The following ANKRD50 variants were observed in gnomAD, a reference collection of about 807,000 sequenced individuals.
ANKRD50 encodes ankyrin repeat domain-containing protein 50.
A neutral mutation model predicts 112.0 loss-of-function variants in ANKRD50; 40 were observed. That is an observed-to-expected ratio of 0.36 (90% CI 0.28 to 0.46). The LOEUF (loss-of-function observed/expected upper bound fraction) is 0.46. Ranked by LOEUF, ANKRD50 falls within the 20% of genes least tolerant of loss-of-function variation. ANKRD50 has a pLI of 1.00. For synonymous variants in ANKRD50, 613 were observed against 619.1 expected (o/e 0.99, Z 0.15); for missense variants, 1,487 against 1,701.7 (o/e 0.87, Z 2.22).
intron 2 of ANKRD50, among the ~76,000 whole-genome samples, chr4:124,692,756 A>G (rs1725166802): frequency 6.6e-6 from 1 of 152,224 alleles, no homozygotes; most frequent in African/African-American, 2.4e-5. Flanking sequence ...AAACCTGCCC[A>G]TATCTTGAGC....
Position 124,678,165 on chromosome 4 carries a change from T to C in ANKRD50, c.742+511A>G, listed in dbSNP as rs776309214. On this transcript the variant is annotated intron_variant, in intron 3 of 4. Transcript: ENST00000504087. ...AATTAATCATTAATATCTCTCCAAT[T>C]ACACTATATATCCTGTGATATGTCC... Among the ~76,000 whole-genome samples the C allele has an allele frequency of 3.5e-4, 54 of 152,116 alleles. 1 individual carries two copies. The highest frequency in any genetic ancestry group is 7.4e-5 in the Non-Finnish European group (5 of 67,990).
chr4:124,672,258 C>T lies in ANKRD50; in HGVS notation c.1019G>A (p.Arg340Lys). The T allele has an allele frequency of 6.2e-7, 1 of 1,613,770 alleles. No homozygotes were observed. The highest frequency in any genetic ancestry group is 8.5e-7 in the Non-Finnish European group (1 of 1,179,834). The change falls in exon 4 of 5, where the codon AGA becomes AAA. Residue 340 changes from arginine to lysine, a missense_variant. Arg to Lys is a conservative substitution (Grantham distance 26). Transcript: ENST00000504087. ...LNGLYLWLCQ[R>K]LFVRKQFAKV... ...TGCAAATTGTTTTCTTACAAAAAGT[C>T]TTTGGCACAGCCAGAGATATAAACC...
chr4:124,707,128 G>A (rs988310529), intron 2 of ANKRD50, among the ~76,000 whole-genome samples: 2 of 151,890 alleles, frequency 1.3e-5, no homozygotes, highest in African/African-American at 4.8e-5. Flanking sequence ...TGTCAAAAGC[G>A]AAAAATAAAT....
At chr4:124,677,706 T>C (rs978223267) in intron 3 of ANKRD50, among the ~76,000 whole-genome samples, 1 of 151,914 alleles carries the variant, frequency 6.6e-6, no homozygotes, top group Non-Finnish European at 1.5e-5. Flanking sequence ...ACATGGCTAG[T>C]GAGTGGTAAA....
intron 2 of ANKRD50, among the ~76,000 whole-genome samples, chr4:124,705,532 T>C (rs1046704270): frequency 2.0e-5 from 3 of 152,162 alleles, no homozygotes; most frequent in Non-Finnish European, 4.4e-5. Flanking sequence ...GGTAATGACA[T>C]ACACTAAGAA....
intron 2 of ANKRD50, among the ~76,000 whole-genome samples, chr4:124,690,080 G>A (rs1009476281): frequency 2.0e-5 from 3 of 151,986 alleles, no homozygotes; most frequent in Non-Finnish European, 4.4e-5. Context: ...CAAGAAAGAA[G>A]CAAATTAAGC....
chr4:124,701,466 G>A (rs1725388818), intron 2 of ANKRD50, among the ~76,000 whole-genome samples: 1 of 152,116 alleles, frequency 6.6e-6, no homozygotes, highest in Non-Finnish European at 1.5e-5. Context: ...GCTTTATTAA[G>A]CAATTACATA....
intron 3 of ANKRD50, among the ~76,000 whole-genome samples, chr4:124,678,154 A>G (rs981232777): frequency 1.3e-5 from 2 of 152,152 alleles, no homozygotes; most frequent in African/African-American, 4.8e-5. Context: ...AATCATTAAT[A>G]TCTCTCCAAT....
Position 124,665,802 on chromosome 4 carries a change from T to A in ANKRD50, c.*1716A>T, listed in dbSNP as rs1234435718. 1 of 152,376 alleles carries A rather than the reference T, an allele frequency of 6.6e-6. No homozygotes were observed. The highest frequency in any genetic ancestry group is 1.5e-5 in the Non-Finnish European group (1 of 67,900). The allele number at this position is 152,376 out of a possible 1,614,324, so 9.4% of individuals were successfully genotyped here. A position where few individuals can be genotyped will look rare whatever the true frequency, so the allele number is the denominator to read the frequency against. ...CGTAGTCCTCACTATGACTTATAGA[T>A]GACAGACAAAATGAGTTTTGCTGAC... On this transcript the variant is annotated 3_prime_UTR_variant, in exon 5 of 5. Transcript: ENST00000504087.
chr4:124,681,333 A>G (rs1450809239), intron 2 of ANKRD50, among the ~76,000 whole-genome samples: 2 of 152,214 alleles, frequency 1.3e-5, no homozygotes, highest in Admixed American at 1.3e-4. Flanking sequence ...GCACAAGAGG[A>G]TCAGTCACTT....
At chr4:124,693,967 T>G (rs1725195451) in intron 2 of ANKRD50, among the ~76,000 whole-genome samples, 1 of 152,174 alleles carries the variant, frequency 6.6e-6, no homozygotes, top group Non-Finnish European at 1.5e-5. Context: ...CAATATGTTT[T>G]TATATAAGAT....
In ANKRD50 at chr4:124,671,320, A is replaced by G. The variant is rs1359769243; in HGVS notation, c.1957T>C (p.Trp653Arg). ...AGTACAATATCCTCGTGTCCTCCCC[A>G]TGCTGCTGCTCTCAAAGCTGTTCGG... The part of the protein sequence containing the change: ...DSRTALRAAA[W>R]GGHEDIVLNL... The change falls in exon 4 of 5, where the codon TGG (tryptophan) becomes CGG (arginine). Residue 653 changes from tryptophan to arginine, a missense_variant. Transcript: ENST00000504087. 3 of 1,613,814 alleles carry G rather than the reference A, an allele frequency of 1.9e-6. No individual in the cohort carries two copies. Among genetic ancestry groups the G allele is most frequent in the Non-Finnish European group, 2.5e-6 (3 of 1,179,810 alleles).
intron 2 of ANKRD50, among the ~76,000 whole-genome samples, chr4:124,690,179 A>G (rs1301669640): frequency 6.6e-6 from 1 of 152,218 alleles, no homozygotes; most frequent in East Asian, 1.9e-4. Context: ...ATGCAGGGAC[A>G]TTTGGAATAT....
At chr4:124,697,995 A>G (rs985150345) in intron 2 of ANKRD50, among the ~76,000 whole-genome samples, 1 of 152,232 alleles carries the variant, frequency 6.6e-6, no homozygotes, top group Admixed American at 6.5e-5. Flanking sequence ...TGAAACAAAC[A>G]ATAGTAAATA....
Position 124,701,596 on chromosome 4 carries a change from A to T in ANKRD50, c.512+8404T>A, listed in dbSNP as rs1256390706. ...GTTAGCATAATAGATACAGGTTTGAAATTTAAAACAATGAAAATTATACGG... is the reference window on the plus strand; with the variant it reads ...GTTAGCATAATAGATACAGGTTTGATATTTAAAACAATGAAAATTATACGG... On this transcript the variant is annotated intron_variant, in intron 2 of 4. Coordinates refer to ENST00000504087, the MANE Select transcript of ANKRD50 (RefSeq NM_020337.3). Among the ~76,000 whole-genome samples the T allele has an allele frequency of 2.6e-5, 4 of 152,360 alleles. No homozygotes were observed. In the East Asian group the frequency reaches 7.7e-4, roughly 29 times the overall value.
chr4:124,707,851 CAATTG>C (rs1725540091), intron 2 of ANKRD50, among the ~76,000 whole-genome samples: 1 of 151,884 alleles, frequency 6.6e-6, no homozygotes, highest in Non-Finnish European at 1.5e-5. Context: ...ATAAAAGAAA[CAATTG>C]AATAAAAGAA....
In ANKRD50 at chr4:124,710,041, C is replaced by T; in HGVS notation, c.471G>A (p.Gln157=). 6.2e-7 allele frequency: 1 copy of T among 1,614,178 alleles called. No homozygotes were observed. Among genetic ancestry groups the T allele is most frequent in the Non-Finnish European group, 8.5e-7 (1 of 1,180,030 alleles). ...LRDPAVQSLL[Q]PGECERNPAE... ...CTGGGTTTCTCTCGCACTCCCCAGG[C>T]TGTAAGAGGCTTTGGACTGCTGGAT... Residue 157 remains glutamine (Q), a synonymous_variant, in exon 2 of 5, where the codon CAG becomes CAA. Transcript: ENST00000504087.
intron 2 of ANKRD50, among the ~76,000 whole-genome samples, chr4:124,692,578 AG>A (rs1339633546): frequency 6.6e-6 from 1 of 152,176 alleles, no homozygotes; most frequent in Non-Finnish European, 1.5e-5. Flanking sequence ...TATAAGAGGC[AG>A]GGCCTGTAGG....
rs370851252 is a variant in ANKRD50, at chr4:124,671,878, C to T, written c.1399G>A (p.Glu467Lys). 6.2e-7 allele frequency: 1 copy of T among 1,613,894 alleles called. No homozygotes were observed. The highest frequency in any genetic ancestry group is 1.7e-5 in the Admixed American group (1 of 59,990). ...LHLINSNLQL[E>K]TAELALWMIW... ...ATCCACAGAGCTAACTCCGCTGTCT[C>T]TAATTGTAAGTTTGAGTTAATTAAG... The change falls in exon 4 of 5, where the codon GAG (glutamate) becomes AAG (lysine). Residue 467 changes from glutamate to lysine, a missense_variant. Glu to Lys is a moderately conservative substitution (Grantham distance 56). This residue lies in a region of ANKRD50 where 1,046 missense variants were observed against 1,269.5 expected (regional missense o/e 0.82). Transcript: ENST00000504087.
Sources: allele counts gnomAD v4.1 joint callset (sites outside exome capture counted in the v4.1 genomes callset), GRCh38; gene constraint gnomAD v4.1.1; regional missense constraint gnomAD v4.1.1; transcripts MANE v1.5; gene names NCBI Gene and HGNC (gene_info 2026-07-23, HGNC 2026-07-21).